Variants in UBE2E1 observed in about 807,000 individuals in gnomAD.
UBE2E1 encodes ubiquitin conjugating enzyme E2 E1.
A neutral mutation model predicts 21.4 loss-of-function variants in UBE2E1; 6 were observed. That is an observed-to-expected ratio of 0.28 (90% CI 0.15 to 0.55). The LOEUF is 0.55. Ranked by LOEUF, UBE2E1 falls within the 20% of genes least tolerant of loss-of-function variation. The pLI is 0.93. For missense variants in UBE2E1, 142 were observed against 236.5 expected (o/e 0.60, Z 2.62); for synonymous variants, 87 against 82.7 (o/e 1.05, Z -0.28).
In UBE2E1 at chr3:23,863,093, C is replaced by G. The variant is rs1700589438; in HGVS notation, c.204-24474C>G. On this transcript the variant is annotated intron_variant, in intron 3 of 5. Transcript: ENST00000306627. This position sits in a 1 kb window ranked among gnomAD's most constrained non-coding sequence, Gnocchi z 4.3. The stretch of plus-strand genomic sequence containing the variant: ...AAAACTATTCCCAGCATTTTGCTCT[C>G]TAGTGGCAACTACTTGTACCTCCTT... Among the ~76,000 whole-genome samples, 1 of 149,574 alleles carries G rather than the reference C, an allele frequency of 6.7e-6. No homozygotes were observed. Among genetic ancestry groups the G allele is most frequent in the African/African-American group, 2.5e-5 (1 of 40,794 alleles).
chr3:23,869,724 CAAAAAAAAAAAAAAAAAA>C (rs5847258), intron 3 of UBE2E1, among the ~76,000 whole-genome samples: 3 of 76,902 alleles, frequency 3.9e-5, no homozygotes, highest in Non-Finnish European at 5.2e-5. Flanking sequence ...GACCCTGTGT[CAAAAAAAAAAAAAAAAAA>C]AAAAAAAAAA....
In UBE2E1 at chr3:23,891,604, C is replaced by A. The variant is rs943666084; in HGVS notation, c.*998C>A. 6.6e-6 allele frequency: 1 copy of A among 152,186 alleles called. No individual in the cohort carries two copies. The highest frequency in any genetic ancestry group is 1.5e-5 in the Non-Finnish European group (1 of 68,026). The allele number at this position is 152,186 out of a possible 1,614,324, so 9.4% of individuals were successfully genotyped here. The stretch of plus-strand genomic sequence containing the variant: ...GTAGCAAGTACATGAGAAATGGGTT[C>A]CGTCATGGATAAATTGGTACCCTGC... On this transcript the variant is annotated 3_prime_UTR_variant, in exon 6 of 6. Coordinates refer to ENST00000306627, the MANE Select transcript of UBE2E1 (RefSeq NM_003341.5).
At chr3:23,873,579 C>T (rs1463124187) in intron 3 of UBE2E1, among the ~76,000 whole-genome samples, 1 of 152,176 alleles carries the variant, frequency 6.6e-6, no homozygotes, top group African/African-American at 2.4e-5. Flanking sequence ...CACCCCGTCT[C>T]TACTAAAAAT....
At chr3:23,827,198 A>G (rs1329132907) in intron 3 of UBE2E1, among the ~76,000 whole-genome samples, 1 of 152,238 alleles carries the variant, frequency 6.6e-6, no homozygotes, top group East Asian at 1.9e-4. Flanking sequence ...AAATACAAAA[A>G]AAAAATCCTG....
intron 3 of UBE2E1, among the ~76,000 whole-genome samples, chr3:23,824,853 T>G (rs966322582): frequency 6.6e-6 from 1 of 152,176 alleles, no homozygotes; most frequent in Non-Finnish European, 1.5e-5. Flanking sequence ...CGGTGAAGTT[T>G]TCTCAGAAAT....
rs1418533436 is a variant in UBE2E1, at chr3:23,853,042, A to C, written c.204-34525A>C. Among the ~76,000 whole-genome samples, 1 of 151,328 alleles carries C rather than the reference A, an allele frequency of 6.6e-6. No homozygotes were observed. The highest frequency in any genetic ancestry group is 1.5e-5 in the Non-Finnish European group (1 of 67,892). ...AGTGATTCTCCTGCCTCAGCCTCCC[A>C]AGTAGCTGGGATTACAGGCATGCGG... is the stretch of plus-strand genomic sequence containing the variant. On this transcript the variant is annotated intron_variant, in intron 3 of 5. Coordinates refer to ENST00000306627, the MANE Select transcript of UBE2E1 (RefSeq NM_003341.5). This position sits in a 1 kb window ranked among gnomAD's most constrained non-coding sequence, Gnocchi z 4.1.
At chr3:23,884,779 A>G (rs1164246410) in intron 3 of UBE2E1, among the ~76,000 whole-genome samples, 1 of 152,144 alleles carries the variant, frequency 6.6e-6, no homozygotes, top group Admixed American at 6.5e-5. Context: ...TGGATTTTAG[A>G]GAGCCTGGCT....
chr3:23,807,144 C>T (rs1045319848), intron 1 of UBE2E1, 93 bp from the exon 2 acceptor site: 21 of 1,101,206 alleles, frequency 1.9e-5, no homozygotes, highest in Non-Finnish European at 2.5e-5. Flanking sequence ...CCGCGTGCGC[C>T]CCTGGTCAAT....
rs573725193 is a variant in UBE2E1 at position 23,816,258 on chromosome 3, G to A, written c.203+4748G>A. 2.0e-5 allele frequency among the ~76,000 whole-genome samples: 3 copies of A among 152,270 alleles called. No homozygotes were observed. Among genetic ancestry groups the A allele is most frequent in the African/African-American group, 4.8e-5 (2 of 41,548 alleles). Reference sequence around the variant, plus strand: ...GATAACCTGTATGTCAGTATTCATAGCATTATTCATAGTAGCCAAAAAGTG... The same window carrying A: ...GATAACCTGTATGTCAGTATTCATAACATTATTCATAGTAGCCAAAAAGTG... On this transcript the variant is annotated intron_variant, in intron 3 of 5. Coordinates refer to ENST00000306627, the MANE Select transcript of UBE2E1 (RefSeq NM_003341.5). The surrounding 1 kb of genome is among the most constrained non-coding windows in gnomAD (Gnocchi z 4.8).
intron 3 of UBE2E1, among the ~76,000 whole-genome samples, chr3:23,827,906 A>C (rs952615708): frequency 1.3e-5 from 2 of 152,090 alleles, no homozygotes; most frequent in East Asian, 3.9e-4. Context: ...TTATATTTCC[A>C]TCTTATTTCC....
rs755588261 is a variant in UBE2E1, at chr3:23,890,633, T to C, written c.*27T>C. The C allele has an allele frequency of 1.4e-5, 23 of 1,607,976 alleles. No individual in the cohort carries two copies. The highest frequency in any genetic ancestry group is 1.9e-5 in the Non-Finnish European group (22 of 1,176,226). On this transcript the variant is annotated 3_prime_UTR_variant, in exon 6 of 6. Transcript: ENST00000306627. ...TTGGGGTTTCACAATTCTTACATTATTTGTCTGTCACAGAAGAGAGCTGCT... is the reference window on the plus strand; with the variant it reads ...TTGGGGTTTCACAATTCTTACATTACTTGTCTGTCACAGAAGAGAGCTGCT...
At chr3:23,880,959 G>C (rs1701024609) in intron 3 of UBE2E1, among the ~76,000 whole-genome samples, 1 of 152,190 alleles carries the variant, frequency 6.6e-6, no homozygotes, top group African/African-American at 2.4e-5. Context: ...CCAGTTGATA[G>C]TTTTTTACTT....
chr3:23,889,780 C>T (rs1654521120), intron 5 of UBE2E1: 1 of 984,554 alleles, frequency 1.0e-6, no homozygotes, highest in Admixed American at 6.2e-5. Context: ...GTCACAGCTA[C>T]TAGGGTGGCT....
chr3:23,889,486 CG>C (rs933144963), intron 5 of UBE2E1: 4 of 1,378,086 alleles, frequency 2.9e-6, no homozygotes, highest in Non-Finnish European at 2.8e-6. Flanking sequence ...TGAAGACTGA[CG>C]TAAGTTTGCC....
rs1700101763 is a variant in UBE2E1 at position 23,842,201 on chromosome 3, GTGTGTGTGTGTGT to G, written c.203+30692_203+30704del. ...GTCATGACCCAGTAAGTGAAGGGGT[GTGTGTGTGTGTGT>G]GTGTGTGTGTGTGTGTGTGTGTGTG... On this transcript the variant is annotated intron_variant, in intron 3 of 5. Coordinates refer to ENST00000306627, the MANE Select transcript of UBE2E1 (RefSeq NM_003341.5). This position sits in a 1 kb window ranked among gnomAD's most constrained non-coding sequence, Gnocchi z 4.6. Among the ~76,000 whole-genome samples the G allele has an allele frequency of 4.3e-5, 4 of 93,998 alleles. No individual in the cohort carries two copies. The highest frequency in any genetic ancestry group is 2.5e-4 in the East Asian group (1 of 4,068). 61.7% of individuals were successfully genotyped at this position (93,998 alleles called of 152,430 possible).
chr3:23,810,095 C>T lies in UBE2E1; in HGVS notation c.153-1365C>T, dbSNP rs1699352582. Among the ~76,000 whole-genome samples the T allele has an allele frequency of 6.6e-6, 1 of 152,170 alleles. No homozygotes were observed. Among genetic ancestry groups the T allele is most frequent in the Non-Finnish European group, 1.5e-5 (1 of 68,028 alleles). On this transcript the variant is annotated intron_variant, in intron 2 of 5. Coordinates refer to ENST00000306627, the MANE Select transcript of UBE2E1 (RefSeq NM_003341.5). This position sits in a 1 kb window ranked among gnomAD's most constrained non-coding sequence, Gnocchi z 5.8. ...GTCCGTCCTCCTACCCGCAGAAAAC[C>T]TTTGGAAAGGAAAACGTATCCTTTG...
intron 3 of UBE2E1, among the ~76,000 whole-genome samples, chr3:23,833,425 T>G (rs1011023886): frequency 3.3e-5 from 5 of 152,238 alleles, no homozygotes; most frequent in African/African-American, 1.2e-4. Flanking sequence ...TTAGTTTTAT[T>G]ATTTTAGATA....
intron 3 of UBE2E1, among the ~76,000 whole-genome samples, chr3:23,845,615 G>A (rs945161723): frequency 6.6e-6 from 1 of 150,710 alleles, no homozygotes; most frequent in East Asian, 2.0e-4. Context: ...GTGTGTGTGT[G>A]TATGTGTGTG....
At chr3:23,843,649 A>T (rs184129851) in intron 3 of UBE2E1, among the ~76,000 whole-genome samples, 1 of 151,548 alleles carries the variant, frequency 6.6e-6, no homozygotes, top group Non-Finnish European at 1.5e-5. Flanking sequence ...CACCCTTCCA[A>T]CTCCCCCAGA....
Sources: gnomAD v4.1 joint callset for allele counts (sites outside exome capture counted in the v4.1 genomes callset) on GRCh38, gnomAD v4.1.1 for gene constraint, Gnocchi (gnomAD v3.1) non-coding constraint, MANE v1.5 for transcripts, NCBI Gene and HGNC (gene_info 2026-07-23, HGNC 2026-07-21) for gene names.